The following NUDCD3 variants were observed in gnomAD, a reference collection of about 807,000 sequenced individuals.
The protein encoded by NUDCD3 is NudC domain containing 3.
In NUDCD3, 13 loss-of-function variants were observed where a neutral mutation model predicts 39.7. The ratio of observed to expected loss-of-function variants is 0.33; its 90% CI spans 0.21 to 0.52. NUDCD3 has a LOEUF of 0.52. Among genes scored for constraint, NUDCD3 ranks in the 20% least tolerant of loss-of-function variants. NUDCD3 has a pLI of 0.96. For synonymous variants in NUDCD3, 175 were observed against 172.4 expected (o/e 1.02, Z -0.12); for missense variants, 453 against 458.1 (o/e 0.99, Z 0.10).
At chr7:44,482,477 G>A (rs1479860834) in intron 2 of NUDCD3, among the ~76,000 whole-genome samples, 1 of 152,198 alleles carries the variant, frequency 6.6e-6, no homozygotes, top group Non-Finnish European at 1.5e-5. Flanking sequence ...CAGCACTTTG[G>A]TAAGCAAAGG....
At chr7:44,394,985 G>C (rs1798596584) in intron 4 of NUDCD3, among the ~76,000 whole-genome samples, 1 of 152,170 alleles carries the variant, frequency 6.6e-6, no homozygotes, top group Non-Finnish European at 1.5e-5. Context: ...AATCTTCTGT[G>C]TCCACAAGTG....
chr7:44,485,366 TGAAG>T, intron 1 of NUDCD3, 82 bp from the exon 2 acceptor site: 1 of 1,236,182 alleles, frequency 8.1e-7, no homozygotes, highest in Non-Finnish European at 1.1e-6. Context: ...GTAAAATCTG[TGAAG>T]GAGAGAACTA....
chr7:44,420,596 G>A (rs1585067106), intron 3 of NUDCD3, among the ~76,000 whole-genome samples: 2 of 152,346 alleles, frequency 1.3e-5, no homozygotes, highest in African/African-American at 4.8e-5. Flanking sequence ...AGGGCAGCCA[G>A]AGAGAAAGGT....
At chr7:44,443,101 T>C (rs867566987) in intron 2 of NUDCD3, among the ~76,000 whole-genome samples, 3 of 152,180 alleles carry the variant, frequency 2.0e-5, no homozygotes, top group Non-Finnish European at 4.4e-5. Flanking sequence ...TTTATTTATG[T>C]TTACTTATGC....
chr7:44,489,172 A>G (rs1800681188), intron 1 of NUDCD3, among the ~76,000 whole-genome samples: 1 of 152,224 alleles, frequency 6.6e-6, no homozygotes, highest in Admixed American at 6.5e-5. Flanking sequence ...TGGTACGTAA[A>G]CTTGAAACTT....
chr7:44,399,085 C>T (rs1215990618), intron 4 of NUDCD3, among the ~76,000 whole-genome samples: 1 of 152,248 alleles, frequency 6.6e-6, no homozygotes, highest in Non-Finnish European at 1.5e-5. Context: ...ATGGGGCCGA[C>T]AAAGCAATGC....
intron 5 of NUDCD3, among the ~76,000 whole-genome samples, chr7:44,390,279 G>A (rs769827094): frequency 1.3e-5 from 2 of 152,114 alleles, no homozygotes; most frequent in Admixed American, 6.5e-5. Flanking sequence ...CAGGAGAACC[G>A]CTTGAACCTG....
intron 2 of NUDCD3, chr7:44,467,853 T>C: frequency 2.2e-6 from 3 of 1,341,884 alleles, no homozygotes; most frequent in Non-Finnish European, 3.2e-6. Flanking sequence ...GCTCTCTTCC[T>C]CGGCGCTGCC....
chr7:44,390,992 C>G (rs1798504249), intron 5 of NUDCD3, among the ~76,000 whole-genome samples: 1 of 152,164 alleles, frequency 6.6e-6, no homozygotes, highest in South Asian at 2.1e-4. Context: ...GGGGGCCAAA[C>G]CTAGAGGAAC....
intron 4 of NUDCD3, 66 bp downstream of exon 4, chr7:44,404,374 C>T (rs912579586): frequency 1.3e-6 from 2 of 1,527,254 alleles, no homozygotes; most frequent in Non-Finnish European, 1.8e-6. Context: ...GCTTGTTGGT[C>T]AAAAGGGGCA....
chr7:44,473,519 A>G (rs1192119672), intron 2 of NUDCD3, among the ~76,000 whole-genome samples: 2 of 152,212 alleles, frequency 1.3e-5, no homozygotes, highest in Non-Finnish European at 2.9e-5. Context: ...TATCTAGTGC[A>G]AGGGTTCACA....
At chr7:44,443,846 A>T (rs1799640307) in intron 2 of NUDCD3, among the ~76,000 whole-genome samples, 1 of 152,164 alleles carries the variant, frequency 6.6e-6, no homozygotes, top group African/African-American at 2.4e-5. Flanking sequence ...CCCCATCTTC[A>T]GTTCTCCTGG....
chr7:44,470,539 C>G (rs1052426907), intron 2 of NUDCD3, among the ~76,000 whole-genome samples: 6 of 152,208 alleles, frequency 3.9e-5, no homozygotes, highest in African/African-American at 9.6e-5. Context: ...AAAGGAGATA[C>G]AAAAACTCAG....
intron 2 of NUDCD3, among the ~76,000 whole-genome samples, chr7:44,483,457 A>C (rs558280251): frequency 6.6e-6 from 1 of 152,362 alleles, no homozygotes; most frequent in African/African-American, 2.4e-5. Context: ...ACTATAAAAA[A>C]TATTTTAAAA....
At chr7:44,420,276 A>C (rs1799113094) in intron 3 of NUDCD3, among the ~76,000 whole-genome samples, 1 of 152,094 alleles carries the variant, frequency 6.6e-6, no homozygotes. Context: ...TTACTGAAAT[A>C]AGGTGTGAAG....
At chr7:44,453,570 C>T (rs912711105) in intron 2 of NUDCD3, among the ~76,000 whole-genome samples, 3 of 152,060 alleles carry the variant, frequency 2.0e-5, no homozygotes, top group African/African-American at 4.8e-5. Context: ...AAGGTTAAAA[C>T]GGTGTTAAGA....
chr7:44,413,237 G>A (rs1798963726), intron 3 of NUDCD3: 1 of 152,032 alleles, frequency 6.6e-6, no homozygotes, highest in Admixed American at 6.6e-5. Context: ...GATTACTTGA[G>A]CCTAGGAGTT....
At position 44,379,290 on chromosome 7, in the gene NUDCD3, A is replaced by T. The variant is rs2116845712; in HGVS notation, c.*6721T>A. 6.6e-6 allele frequency: 1 copy of T among 151,754 alleles called. No individual in the cohort carries two copies. Among genetic ancestry groups the T allele is most frequent in the Non-Finnish European group, 1.5e-5 (1 of 67,946 alleles). 9.4% of individuals were successfully genotyped at this position (151,754 alleles called of 1,614,324 possible). Reference sequence around the variant, plus strand: ...CAACACAGGAAAAACTCTGTCTCAAAAAAAAAAAAAACTTTTAAAATGACC... The same window carrying T: ...CAACACAGGAAAAACTCTGTCTCAATAAAAAAAAAAACTTTTAAAATGACC... On this transcript the variant is annotated 3_prime_UTR_variant, in exon 6 of 6. Transcript: ENST00000355451.
chr7:44,426,597 C>T (rs958490383), intron 3 of NUDCD3, among the ~76,000 whole-genome samples: 8 of 151,936 alleles, frequency 5.3e-5, no homozygotes, highest in Admixed American at 5.2e-4. Context: ...GAGATCGAGA[C>T]CATCCTGGCT....
Sources: allele counts gnomAD v4.1 joint callset (sites outside exome capture counted in the v4.1 genomes callset), GRCh38; gene constraint gnomAD v4.1.1; transcripts MANE v1.5; gene names NCBI Gene and HGNC (gene_info 2026-07-23, HGNC 2026-07-21).